The following RAB2A variants were observed in gnomAD, a reference collection of about 807,000 sequenced individuals.
RAB2A encodes the protein ras-related protein Rab-2A.
A neutral mutation model predicts 32.5 loss-of-function variants in RAB2A; 7 were observed. The ratio of observed to expected loss-of-function variants is 0.22; its 90% CI spans 0.12 to 0.40. The LOEUF (loss-of-function observed/expected upper bound fraction) is 0.40. RAB2A is among the 10% of genes least tolerant of loss of function. RAB2A has a pLI of 1.00. For synonymous variants in RAB2A, 79 were observed against 85.2 expected (o/e 0.93, Z 0.40); for missense variants, 108 against 260.7 (o/e 0.41, Z 4.03).
At chr8:60,547,469 G>A (rs1807752027) in intron 1 of RAB2A, among the ~76,000 whole-genome samples, 4 of 151,756 alleles carry the variant, frequency 2.6e-5, no homozygotes, top group South Asian at 2.1e-4. Context: ...CCCAGTAGGC[G>A]CGGCCGGGCA....
chr8:60,586,321 T>C (rs1803846195), intron 5 of RAB2A, among the ~76,000 whole-genome samples: 1 of 151,356 alleles, frequency 6.6e-6, no homozygotes, highest in Non-Finnish European at 1.5e-5. Flanking sequence ...AATAGCCTAA[T>C]TTTTTTGCCT....
Position 60,517,166 on chromosome 8 carries a change from G to A in RAB2A, c.-42G>A, listed in dbSNP as rs772503564. On this transcript the variant is annotated 5_prime_UTR_variant, in exon 1 of 8. Coordinates refer to ENST00000262646, the MANE Select transcript of RAB2A (RefSeq NM_002865.3). ...TGGGGCGCGGAGGAGGAGCAGCAGC[G>A]GGAGGAGGAGCCGTGTGCCCTGGCA... The A allele has an allele frequency of 4.1e-6, 6 of 1,472,204 alleles. No homozygotes were observed. The highest frequency in any genetic ancestry group is 1.5e-5 in the African/African-American group (1 of 67,988). 91.2% of individuals were successfully genotyped at this position (1,472,204 alleles called of 1,614,324 possible). A position where few individuals can be genotyped will look rare whatever the true frequency, so the allele number is the denominator to read the frequency against.
chr8:60,526,390 C>T (rs1172025026), intron 1 of RAB2A, among the ~76,000 whole-genome samples: 1 of 152,160 alleles, frequency 6.6e-6, no homozygotes, highest in Non-Finnish European at 1.5e-5. Context: ...CAGTGGGTCA[C>T]GTCCTTCTTG....
intron 1 of RAB2A, chr8:60,552,071 T>G (rs938587136): frequency 6.0e-5 from 9 of 149,504 alleles, no homozygotes; most frequent in African/African-American, 2.2e-4. Context: ...TGGCGCAATT[T>G]CGGCTCACTG....
intron 1 of RAB2A, among the ~76,000 whole-genome samples, chr8:60,549,367 C>A (rs1317997163): frequency 6.6e-6 from 1 of 152,168 alleles, no homozygotes; most frequent in Non-Finnish European, 1.5e-5. Flanking sequence ...ACTGAGTGAA[C>A]GAGACTCCGT....
intron 3 of RAB2A, among the ~76,000 whole-genome samples, chr8:60,572,338 G>A (rs1266476135): frequency 1.7e-4 from 26 of 152,152 alleles, no homozygotes; most frequent in Non-Finnish European, 1.0e-4. Flanking sequence ...CTGAGTGAAT[G>A]TTCACGTTAT....
At chr8:60,555,588 A>G (rs1370088025) in intron 1 of RAB2A, among the ~76,000 whole-genome samples, 1 of 152,230 alleles carries the variant, frequency 6.6e-6, no homozygotes, top group Non-Finnish European at 1.5e-5. Flanking sequence ...ACAAATGGCC[A>G]TCAAGTATAT....
chr8:60,608,970 G>A (rs941572910), intron 6 of RAB2A, among the ~76,000 whole-genome samples: 3 of 151,952 alleles, frequency 2.0e-5, no homozygotes, highest in Admixed American at 1.3e-4. Flanking sequence ...TATCCTAATT[G>A]GACTTCCTGT....
chr8:60,542,986 C>T (rs1270090578), intron 1 of RAB2A, among the ~76,000 whole-genome samples: 1 of 152,196 alleles, frequency 6.6e-6, no homozygotes, highest in Admixed American at 6.5e-5. Context: ...CACTGGGCAG[C>T]CTTCTCAAAT....
At chr8:60,526,015 GTGTA>G (rs1370868386) in intron 1 of RAB2A, among the ~76,000 whole-genome samples, 2 of 82,098 alleles carry the variant, frequency 2.4e-5, no homozygotes, top group Non-Finnish European at 4.7e-5. Flanking sequence ...ATATGTGTGT[GTGTA>G]CATATATATA....
At chr8:60,527,187 A>G (rs1018073452) in intron 1 of RAB2A, among the ~76,000 whole-genome samples, 24 of 152,016 alleles carry the variant, frequency 1.6e-4, no homozygotes, top group African/African-American at 5.3e-4. Context: ...CTTTTAAGCA[A>G]CCAGATCTCG....
At chr8:60,520,978 G>T (rs1331150404) in intron 1 of RAB2A, among the ~76,000 whole-genome samples, 1 of 152,022 alleles carries the variant, frequency 6.6e-6, no homozygotes, top group African/African-American at 2.4e-5. Context: ...CACCATGCCT[G>T]GCTAATTTTT....
At chr8:60,544,553 T>C (rs1807698396) in intron 1 of RAB2A, among the ~76,000 whole-genome samples, 1 of 60,912 alleles carries the variant, frequency 1.6e-5, no homozygotes, top group Non-Finnish European at 2.8e-5. Context: ...CCCTAGTGCC[T>C]TTTTTTTTTT....
chr8:60,599,463 G>T (rs1036062995), intron 6 of RAB2A, among the ~76,000 whole-genome samples: 1 of 152,084 alleles, frequency 6.6e-6, no homozygotes, highest in Non-Finnish European at 1.5e-5. Flanking sequence ...AAAGGCAGAA[G>T]AACTAAAGTA....
At chr8:60,596,454 A>G (rs112957317) in intron 6 of RAB2A, among the ~76,000 whole-genome samples, 22,803 of 152,188 alleles carry the variant, frequency 0.15, 1,847 homozygotes, top group East Asian at 0.26. Context: ...AATTTACAAG[A>G]AAAAAACAAC....
chr8:60,549,132 C>A (rs566710894), intron 1 of RAB2A, among the ~76,000 whole-genome samples: 215 of 151,194 alleles, frequency 1.4e-3, no homozygotes, highest in African/African-American at 5.1e-3. Flanking sequence ...GGCGGCCGGG[C>A]AGAGACGCTC....
intron 1 of RAB2A, among the ~76,000 whole-genome samples, chr8:60,526,583 C>T (rs1807392974): frequency 1.3e-5 from 2 of 152,130 alleles, no homozygotes; most frequent in African/African-American, 4.8e-5. Flanking sequence ...AAAATATTCA[C>T]AGGTTCTGGG....
At chr8:60,570,369 C>T (rs2130839250) in intron 2 of RAB2A, among the ~76,000 whole-genome samples, 1 of 152,236 alleles carries the variant, frequency 6.6e-6, no homozygotes, top group Non-Finnish European at 1.5e-5. Flanking sequence ...TGATACCTCG[C>T]TGACATGTAG....
intron 1 of RAB2A, among the ~76,000 whole-genome samples, chr8:60,521,802 G>A (rs1358225121): frequency 6.6e-6 from 1 of 152,104 alleles, no homozygotes; most frequent in Non-Finnish European, 1.5e-5. Context: ...TGTATTTTTA[G>A]TAGAGATGGA....
Sources: gnomAD v4.1 joint callset for allele counts (sites outside exome capture counted in the v4.1 genomes callset) on GRCh38, gnomAD v4.1.1 for gene constraint, MANE v1.5 for transcripts, NCBI Gene and HGNC (gene_info 2026-07-23, HGNC 2026-07-21) for gene names.